MEIS2: variants seen among roughly 807,000 people sequenced by gnomAD.
The protein encoded by MEIS2 is Meis homeobox 2, also known as homeobox protein Meis2.
MEIS2 carries 9 observed loss-of-function variants against 58.6 expected under a neutral mutation model. That is an observed-to-expected ratio of 0.15 (90% CI 0.09 to 0.27). MEIS2 has a LOEUF of 0.27. MEIS2 is among the 10% of genes least tolerant of loss of function. The pLI is 1.00. For synonymous variants in MEIS2, 221 were observed against 228.4 expected, an observed-to-expected ratio of 0.97 and a Z score of 0.29; for missense variants, 427 against 635.0, an observed-to-expected ratio of 0.67 and a Z score of 3.52.
intron 9 of MEIS2, 21 bp downstream of exon 9, chr15:36,950,303 A>G (rs1303335680): frequency 6.3e-7 from 1 of 1,591,306 alleles, no homozygotes. Flanking sequence ...GGAGAAAGAC[A>G]TTGATTTTTG....
At chr15:37,083,313 C>T (rs1892470524) in intron 7 of MEIS2, among the ~76,000 whole-genome samples, 1 of 152,078 alleles carries the variant, frequency 6.6e-6, no homozygotes, top group African/African-American at 2.4e-5. Context: ...TGTAAAATTC[C>T]ACAATATTTC....
chr15:36,899,798 T>C (rs2056377558), intron 9 of MEIS2, among the ~76,000 whole-genome samples: 1 of 152,174 alleles, frequency 6.6e-6, no homozygotes, highest in Non-Finnish European at 1.5e-5. Context: ...AAATAACATT[T>C]TGATGAGTTA....
At chr15:37,069,946 G>A (rs1305315187) in intron 7 of MEIS2, among the ~76,000 whole-genome samples, 10 of 152,032 alleles carry the variant, frequency 6.6e-5, no homozygotes, top group Non-Finnish European at 1.3e-4. Context: ...AAAGATTGTT[G>A]TTTTCTCACC....
intron 7 of MEIS2, among the ~76,000 whole-genome samples, chr15:37,060,097 CCTGA>C (rs1280633190): frequency 6.6e-6 from 1 of 151,998 alleles, no homozygotes; most frequent in Admixed American, 6.6e-5. Context: ...TGCCACCATG[CCTGA>C]CTAATTTTTT....
chr15:37,023,710 G>A (rs980513534), intron 8 of MEIS2, among the ~76,000 whole-genome samples: 28 of 151,896 alleles, frequency 1.8e-4, no homozygotes, highest in Admixed American at 3.9e-4. Context: ...CATTCAGCCC[G>A]GCCCTTTTTG....
intron 8 of MEIS2, among the ~76,000 whole-genome samples, chr15:36,959,962 A>G (rs1367245584): frequency 6.6e-6 from 1 of 152,166 alleles, no homozygotes; most frequent in African/African-American, 2.4e-5. Context: ...AGACTGAGTT[A>G]GAAGGAAATG....
intron 7 of MEIS2, among the ~76,000 whole-genome samples, chr15:37,078,604 C>CCAAAAAAAAAAAAAAAAAAAAAAAAAAAA (rs1891753596): frequency 5.7e-4 from 2 of 3,480 alleles, no homozygotes; most frequent in Non-Finnish European, 1.4e-3. Flanking sequence ...GAAAAAACAA[C>CCAAAAAAAAAAAAAAAAAAAAAAAAAAAA]CAAAAAAAAA....
At chr15:37,093,370 T>A (rs549916289) in intron 6 of MEIS2, among the ~76,000 whole-genome samples, 1 of 152,340 alleles carries the variant, frequency 6.6e-6, no homozygotes, top group East Asian at 1.9e-4. Context: ...CTCTGGTTTT[T>A]TGGCTCTCAA....
chr15:36,931,842 G>A (rs574754422), intron 9 of MEIS2, among the ~76,000 whole-genome samples: 3 of 152,166 alleles, frequency 2.0e-5, no homozygotes, highest in Non-Finnish European at 4.4e-5. Context: ...CATTAGTGTC[G>A]CTATTCTTAA....
intron 9 of MEIS2, among the ~76,000 whole-genome samples, chr15:36,905,618 T>A (rs989800191): frequency 6.6e-6 from 1 of 152,176 alleles, no homozygotes; most frequent in African/African-American, 2.4e-5. Flanking sequence ...CTTATTTTCA[T>A]CCTGTTTTAA....
At chr15:37,008,282 A>G (rs1034062464) in intron 8 of MEIS2, among the ~76,000 whole-genome samples, 3 of 152,258 alleles carry the variant, frequency 2.0e-5, no homozygotes, top group African/African-American at 7.2e-5. Flanking sequence ...AATCAACCCA[A>G]TTTAATAAAC....
chr15:36,942,653 T>C (rs2058416268), intron 9 of MEIS2, among the ~76,000 whole-genome samples: 1 of 152,134 alleles, frequency 6.6e-6, no homozygotes, highest in African/African-American at 2.4e-5. Flanking sequence ...ATGAGTGAAG[T>C]GAAAGAGGAT....
chr15:37,064,644 G>A (rs1307463565), intron 7 of MEIS2, among the ~76,000 whole-genome samples: 4 of 152,140 alleles, frequency 2.6e-5, no homozygotes, highest in Admixed American at 6.5e-5. Flanking sequence ...TTTTAACTGT[G>A]TAGACACCAT....
chr15:37,083,113 A>T (rs887336808), intron 7 of MEIS2, among the ~76,000 whole-genome samples: 2 of 152,128 alleles, frequency 1.3e-5, no homozygotes, highest in Admixed American at 1.3e-4. Flanking sequence ...GCAATAGGTG[A>T]GTTTTAAATA....
intron 8 of MEIS2, among the ~76,000 whole-genome samples, chr15:36,975,084 C>T (rs1251246263): frequency 2.6e-5 from 4 of 152,180 alleles, no homozygotes; most frequent in African/African-American, 9.7e-5. Flanking sequence ...AATATAGCCA[C>T]GTTACTTATC....
intron 9 of MEIS2, among the ~76,000 whole-genome samples, chr15:36,912,973 C>T (rs1255160336): frequency 3.9e-5 from 6 of 152,074 alleles, no homozygotes; most frequent in South Asian, 2.1e-4. Flanking sequence ...TTCCACTGTC[C>T]GCACCTGCCT....
chr15:37,051,780 T>G (rs2141809781), intron 7 of MEIS2, among the ~76,000 whole-genome samples: 2 of 152,244 alleles, frequency 1.3e-5, no homozygotes, highest in Middle Eastern at 6.8e-3. Flanking sequence ...TCTGGATGAT[T>G]TGGGGCAGCA....
In MEIS2 at chr15:37,047,463, A is replaced by T. The variant is rs1414817801; in HGVS notation, c.755-10504T>A. On this transcript the variant is annotated intron_variant, in intron 7 of 11. Transcript: ENST00000561208. ...AAAGAACCAGAAAGGGAGAGAGACC[A>T]AGAGAAGACCAACCTGATCAAGTTA... Among the ~76,000 whole-genome samples, 6 of 152,178 alleles carry T rather than the reference A, an allele frequency of 3.9e-5. No homozygotes were observed. The South Asian group carries it at 1.0e-3, about 26-fold the overall frequency.
In MEIS2 at chr15:37,027,684, G is replaced by C. The variant is rs530690690; in HGVS notation, c.900+9130C>G. Among the ~76,000 whole-genome samples the C allele has an allele frequency of 3.9e-5, 6 of 152,070 alleles. No individual in the cohort carries two copies. The South Asian group carries it at 1.2e-3, about 32-fold the overall frequency. ...TATGAAATTGGGTGCTAAACTTTGA[G>C]CTAATAATTATTTTGGTTTCTTTTT... On this transcript the variant is annotated intron_variant, in intron 8 of 11. Coordinates refer to ENST00000561208, the MANE Select transcript of MEIS2 (RefSeq NM_170675.5).
Sources: allele counts gnomAD v4.1 joint callset (sites outside exome capture counted in the v4.1 genomes callset), GRCh38; gene constraint gnomAD v4.1.1; transcripts MANE v1.5; gene names NCBI Gene and HGNC (gene_info 2026-07-23, HGNC 2026-07-21).